TMEM234: variants seen among roughly 807,000 people sequenced by gnomAD.
The protein encoded by TMEM234 is transmembrane protein 234.
TMEM234 carries 21 observed loss-of-function variants against 17.8 expected under a neutral mutation model. That is an observed-to-expected ratio of 1.18 (90% CI 0.84 to 1.70). The LOEUF is 1.70. TMEM234 is among the 40% of genes most tolerant of loss of function. The pLI, the probability that TMEM234 is intolerant of heterozygous loss-of-function variation, is 0.00. For missense variants in TMEM234, 137 were observed against 166.9 expected (o/e 0.82, Z 0.99); for synonymous variants, 83 against 73.5 (o/e 1.13, Z -0.66).
At chr1:32,215,556 A>G, downstream of TMEM234, 1 of 1,610,830 alleles carries the variant, frequency 6.2e-7, no homozygotes, top group Non-Finnish European at 8.5e-7. Flanking sequence ...AAGCTGTTGG[A>G]TCAGGAAACA....
At chr1:32,221,694 G>A (rs1480309774) in intron 2 of TMEM234, among the ~76,000 whole-genome samples, 173 bp downstream of exon 2, 2 of 152,126 alleles carry the variant, frequency 1.3e-5, no homozygotes, top group Non-Finnish European at 2.9e-5. Context: ...CCTATCAGAT[G>A]GTTATTATTA....
chr1:32,219,043 C>A (rs1250976907), intron 3 of TMEM234, among the ~76,000 whole-genome samples: 2 of 147,974 alleles, frequency 1.4e-5, no homozygotes, highest in African/African-American at 5.0e-5. Context: ...ACCTGGGAGG[C>A]GGAGGTTGCA....
downstream of TMEM234, chr1:32,215,052 G>A (rs1349825724): frequency 2.4e-6 from 3 of 1,252,188 alleles, no homozygotes; most frequent in East Asian, 2.7e-5. Context: ...AGCCGGCACT[G>A]GAAAAAAAAA....
chr1:32,215,608 C>T (rs1638318714), downstream of TMEM234: 1 of 1,473,334 alleles, frequency 6.8e-7, no homozygotes, highest in East Asian at 2.3e-5. Flanking sequence ...AAACTGGCAG[C>T]CTTGGGCCCC....
Position 32,221,131 on chromosome 1 carries a change from C to G in TMEM234, c.235G>C (p.Asp79His). Residue 79 changes from aspartate (D) to histidine (H), a missense_variant and splice_region_variant, in exon 3 of 5, where the codon GAT (aspartate) becomes CAT (histidine). Physicochemically the swap from Asp to His is moderately conservative, Grantham distance 81 (BLOSUM62 -1). Transcript: ENST00000309777. ...AGAACAGTTCCAAGCCAGGACCCAC[C>G]TGTCGATGCCAAGGTGAGGTAATAG... ...LLYYLTLAST[D>H]LTLAVPICNS... 6.2e-7 allele frequency: 1 copy of G among 1,613,398 alleles called. No individual in the cohort carries two copies. The highest frequency in any genetic ancestry group is 8.5e-7 in the Non-Finnish European group (1 of 1,179,708).
rs1638422220 is a variant in TMEM234, at chr1:32,216,770, G to A, written c.*83C>T. 6.4e-7 allele frequency: 1 copy of A among 1,567,392 alleles called. No homozygotes were observed. ...GAAGCTAAGGCCAGAGAGGGGAAGTGCTAGGTCCATCCGCTCACTGCCAGC... is the reference window on the plus strand; with the variant it reads ...GAAGCTAAGGCCAGAGAGGGGAAGTACTAGGTCCATCCGCTCACTGCCAGC... On this transcript the variant is annotated 3_prime_UTR_variant, in exon 5 of 5. Coordinates refer to ENST00000309777, the MANE Select transcript of TMEM234 (RefSeq NM_019118.5).
intron 3 of TMEM234, among the ~76,000 whole-genome samples, chr1:32,218,431 AAAAAAG>A (rs1638606699): frequency 6.6e-6 from 1 of 152,244 alleles, no homozygotes; most frequent in Admixed American, 6.5e-5. Context: ...TGTCTCAAAA[AAAAAAG>A]AAAAAGACTA....
chr1:32,214,705 A>G, downstream of TMEM234: 1 of 1,543,488 alleles, frequency 6.5e-7, no homozygotes, highest in South Asian at 1.2e-5. Flanking sequence ...ATGTTCCTGC[A>G]GGCGTCAGGG....
At chr1:32,222,104 C>T in intron 1 of TMEM234, 86 bp from the exon 2 acceptor site, 1 of 1,502,946 alleles carries the variant, frequency 6.7e-7, no homozygotes, top group Non-Finnish European at 8.9e-7. Flanking sequence ...CCCCAGCTAG[C>T]CGCCCCCACT....
chr1:32,219,334 T>C (rs1042976219), intron 3 of TMEM234, among the ~76,000 whole-genome samples: 9 of 152,202 alleles, frequency 5.9e-5, no homozygotes, highest in African/African-American at 2.2e-4. Context: ...ATTACCCATC[T>C]AAGAAATTGA....
intron 3 of TMEM234, among the ~76,000 whole-genome samples, chr1:32,220,812 C>A (rs573111187): frequency 6.6e-6 from 1 of 152,166 alleles, no homozygotes; most frequent in Admixed American, 6.6e-5. Context: ...GTGACTTGCT[C>A]ATGGTCAGGT....
Position 32,221,136 on chromosome 1 carries a change from G to A in TMEM234, c.230C>T (p.Ser77Leu). The stretch of plus-strand genomic sequence containing the variant: ...AGTTCCAAGCCAGGACCCACCTGTC[G>A]ATGCCAAGGTGAGGTAATAGAGAAG... ...GSLLYYLTLA[S>L]TDLTLAVPIC... The change falls in exon 3 of 5, where the codon TCG becomes TTG. Residue 77 changes from serine to leucine, a missense_variant. Ser to Leu is a moderately radical substitution (Grantham distance 145, BLOSUM62 -2). Transcript: ENST00000309777. 1 of 1,613,266 alleles carries A rather than the reference G, an allele frequency of 6.2e-7. No individual in the cohort carries two copies. Among genetic ancestry groups the A allele is most frequent in the Non-Finnish European group, 8.5e-7 (1 of 1,179,606 alleles).
downstream of TMEM234, chr1:32,214,661 G>C: frequency 7.8e-7 from 1 of 1,287,592 alleles, no homozygotes; most frequent in Non-Finnish European, 1.1e-6. Context: ...GAGGGAGGAC[G>C]TACTTTGTGA....
intron 4 of TMEM234, 34 bp downstream of exon 4, chr1:32,217,225 A>T: frequency 6.2e-7 from 1 of 1,614,198 alleles, no homozygotes; most frequent in Non-Finnish European, 8.5e-7. Flanking sequence ...AGATCCACAG[A>T]GCTGCGTCCC....
chr1:32,221,840 A>G, intron 2 of TMEM234, 27 bp downstream of exon 2: 1 of 1,612,274 alleles, frequency 6.2e-7, no homozygotes, highest in South Asian at 1.1e-5. Context: ...AACTCCACCG[A>G]GAGAGGGGCC....
chr1:32,216,886 C>A lies in TMEM234; in HGVS notation c.390G>T (p.Val130=). 6.2e-7 allele frequency: 1 copy of A among 1,614,196 alleles called. No individual in the cohort carries two copies. Among genetic ancestry groups the A allele is most frequent in the South Asian group, 1.1e-5 (1 of 91,068 alleles). The change falls in exon 5 of 5, where the codon GTG becomes GTT. Residue 130 remains valine, a synonymous_variant. Coordinates refer to ENST00000309777, the MANE Select transcript of TMEM234 (RefSeq NM_019118.5). ...IGISLCITSS[V]SKTQGQQSTL The stretch of plus-strand genomic sequence containing the variant: ...TAGACTGTTGCCCCTGGGTCTTACT[C>A]ACTGAGCTTGTGATGCAGAGTGAAA...
At chr1:32,214,935 G>T, downstream of TMEM234, 1 of 1,613,928 alleles carries the variant, frequency 6.2e-7, no homozygotes, top group Non-Finnish European at 8.5e-7. Flanking sequence ...CCCATCAGGT[G>T]AGGGGTCCCT....
chr1:32,215,724 G>T, downstream of TMEM234: 2 of 1,265,090 alleles, frequency 1.6e-6, no homozygotes, highest in Non-Finnish European at 2.2e-6. Context: ...CTTCCTTGGG[G>T]TTGGGGACCT....
At chr1:32,214,580 G>A, downstream of TMEM234, 1 of 579,314 alleles carries the variant, frequency 1.7e-6, no homozygotes. Context: ...GGTTTCACTG[G>A]GCATCGAGGA....
Sources: allele counts gnomAD v4.1 joint callset (sites outside exome capture counted in the v4.1 genomes callset), GRCh38; gene constraint gnomAD v4.1.1; transcripts MANE v1.5; gene names NCBI Gene and HGNC (gene_info 2026-07-23, HGNC 2026-07-21).